The following SEMA3D variants were observed in gnomAD, a reference collection of about 807,000 sequenced individuals.
The protein encoded by SEMA3D is semaphorin 3D.
Under a neutral mutation model 100.1 loss-of-function variants are expected in SEMA3D, and 84 were observed. The observed-to-expected ratio is 0.84, with a 90% CI of 0.70 to 1.01. The LOEUF is 1.01. Among genes scored for constraint, SEMA3D ranks in the 50% least tolerant of loss-of-function variants. SEMA3D has a pLI of 0.00. For synonymous variants in SEMA3D, 312 were observed against 320.7 expected (o/e 0.97, Z 0.29); for missense variants, 875 against 934.1 (o/e 0.94, Z 0.82).
chr7:85,152,170 C>T (rs1310958201), intron 2 of SEMA3D, among the ~76,000 whole-genome samples: 1 of 151,740 alleles, frequency 6.6e-6, no homozygotes, highest in Non-Finnish European at 1.5e-5. Context: ...GTTCTTTAAT[C>T]TTTGGTTTTG....
At chr7:85,168,873 GAAAGA>G (rs908039399) in intron 1 of SEMA3D, among the ~76,000 whole-genome samples, 45 of 133,628 alleles carry the variant, frequency 3.4e-4, no homozygotes, top group African/African-American at 1.1e-3. Flanking sequence ...AAGAAAGAAA[GAAAGA>G]AAAGAAAGAA....
chr7:85,143,560 C>A (rs969872677), intron 2 of SEMA3D, among the ~76,000 whole-genome samples: 25 of 151,918 alleles, frequency 1.6e-4, no homozygotes, highest in African/African-American at 5.6e-4. Flanking sequence ...AGAAGAGATA[C>A]AACAAAAATA....
At chr7:85,181,328 ACACAC>A (rs1261579565) in intron 1 of SEMA3D, among the ~76,000 whole-genome samples, 12 of 107,274 alleles carry the variant, frequency 1.1e-4, no homozygotes, top group African/African-American at 4.6e-4. Context: ...CAACACACAC[ACACAC>A]ACACACACAC....
intron 14 of SEMA3D, among the ~76,000 whole-genome samples, chr7:85,019,976 G>C (rs1042689373): frequency 6.6e-6 from 1 of 151,622 alleles, no homozygotes; most frequent in African/African-American, 2.4e-5. Context: ...CAATTTGTCT[G>C]ACTATATGCT....
At chr7:85,217,050 ATTAT>A in the SEMA3D span, among the ~76,000 whole-genome samples, 1 of 152,110 alleles carries the variant, frequency 6.6e-6, no homozygotes, top group Non-Finnish European at 1.5e-5. Flanking sequence ...GAGCCACATG[ATTAT>A]TTAATGTTGA....
intron 6 of SEMA3D, among the ~76,000 whole-genome samples, chr7:85,070,975 T>C (rs1791756466): frequency 1.3e-5 from 2 of 152,196 alleles, no homozygotes; most frequent in Admixed American, 1.3e-4. Context: ...AGACGGGGTT[T>C]CACCATGTTG....
intron 1 of SEMA3D, among the ~76,000 whole-genome samples, chr7:85,180,893 C>G (rs80021295): frequency 0.044 from 6,699 of 152,050 alleles, 509 homozygotes; most frequent in African/African-American, 0.15. Context: ...CGTTCATTTG[C>G]GCGGAGAAGT....
intron 3 of SEMA3D, among the ~76,000 whole-genome samples, chr7:85,118,944 C>G (rs1425534621): frequency 6.6e-6 from 1 of 150,924 alleles, no homozygotes; most frequent in Non-Finnish European, 1.5e-5. Context: ...AAAAGGTGGG[C>G]AAAGGACATG....
intron 2 of SEMA3D, chr7:85,142,668 G>A (rs1434155002): frequency 1.1e-6 from 1 of 915,478 alleles, no homozygotes; most frequent in Admixed American, 7.3e-5. Context: ...AGCAAAGAAG[G>A]ATGGCATTTT....
intron 1 of SEMA3D, among the ~76,000 whole-genome samples, chr7:85,154,076 G>A (rs574007965): frequency 6.6e-6 from 1 of 152,148 alleles, no homozygotes; most frequent in African/African-American, 2.4e-5. Context: ...GCCCAGTCAA[G>A]TGGACACATA....
chr7:85,246,948 C>T, the SEMA3D span, among the ~76,000 whole-genome samples: 1 of 150,190 alleles, frequency 6.7e-6, no homozygotes, highest in Non-Finnish European at 1.5e-5. Context: ...ATATAAAAAG[C>T]TAAAAAAAAA....
chr7:85,206,256 C>A, the SEMA3D span, among the ~76,000 whole-genome samples: 7 of 152,092 alleles, frequency 4.6e-5, no homozygotes, highest in Admixed American at 2.6e-4. Context: ...CTTCTATTCT[C>A]CATGAACTGG....
intron 2 of SEMA3D, among the ~76,000 whole-genome samples, chr7:85,130,762 T>A (rs1789705161): frequency 6.6e-6 from 1 of 152,166 alleles, no homozygotes; most frequent in South Asian, 2.1e-4. Flanking sequence ...GACTGCCTTG[T>A]CATACAAGGT....
At chr7:85,139,628 T>C (rs1789983939) in intron 2 of SEMA3D, among the ~76,000 whole-genome samples, 1 of 152,038 alleles carries the variant, frequency 6.6e-6, no homozygotes. Context: ...TTATAACATT[T>C]AATCTAACCT....
intron 17 of SEMA3D, among the ~76,000 whole-genome samples, chr7:85,011,135 GT>G (rs1789940408): frequency 1.3e-5 from 2 of 151,834 alleles, no homozygotes; most frequent in African/African-American, 4.8e-5. Flanking sequence ...GCTTTCAGTG[GT>G]TTAAAATCAG....
At chr7:85,175,960 G>A (rs1791212575) in intron 1 of SEMA3D, among the ~76,000 whole-genome samples, 1 of 151,802 alleles carries the variant, frequency 6.6e-6, no homozygotes, top group Non-Finnish European at 1.5e-5. Context: ...CTAAAATCTT[G>A]TTAACATTTG....
chr7:85,007,306 T>G (rs957296316), intron 17 of SEMA3D, among the ~76,000 whole-genome samples: 10 of 151,960 alleles, frequency 6.6e-5, no homozygotes, highest in African/African-American at 2.2e-4. Flanking sequence ...TATAAACAAT[T>G]TTGTAGATAG....
chr7:85,021,386 T>C (rs1790250467), intron 13 of SEMA3D, among the ~76,000 whole-genome samples: 1 of 151,786 alleles, frequency 6.6e-6, no homozygotes, highest in South Asian at 2.1e-4. Context: ...TAATAGCAAC[T>C]AATTAATTCT....
intron 3 of SEMA3D, among the ~76,000 whole-genome samples, chr7:85,119,567 G>A (rs1789347872): frequency 6.6e-6 from 1 of 152,010 alleles, no homozygotes; most frequent in Non-Finnish European, 1.5e-5. Flanking sequence ...ATGACAACAC[G>A]TGGACACCTA....
Sources: allele counts gnomAD v4.1 joint callset (sites outside exome capture counted in the v4.1 genomes callset), GRCh38; gene constraint gnomAD v4.1.1; transcripts MANE v1.5; gene names NCBI Gene and HGNC (gene_info 2026-07-23, HGNC 2026-07-21).